The following GFOD1 variants were observed in gnomAD, a reference collection of about 807,000 sequenced individuals.
GFOD1 encodes the protein glucose-fructose oxidoreductase domain-containing protein 1.
A neutral mutation model predicts 25.4 loss-of-function variants in GFOD1; 9 were observed. That is an observed-to-expected ratio of 0.35 (90% CI 0.21 to 0.62). GFOD1 has a LOEUF of 0.62. GFOD1 is among the 20% of genes least tolerant of loss of function. The probability of loss-of-function intolerance (pLI) is 0.72; values close to 1 mark genes in which losing one functional copy is unlikely to be tolerated. For synonymous variants in GFOD1, 253 were observed against 245.6 expected, an observed-to-expected ratio of 1.03 and a Z score of -0.28; for missense variants, 403 against 556.9, an observed-to-expected ratio of 0.72 and a Z score of 2.78.
intron 1 of GFOD1, chr6:13,486,247 TC>T (rs373896526): frequency 0.21 from 24,196 of 117,182 alleles, 1,517 homozygotes; most frequent in South Asian, 0.34. Context: ...CACCCCCCCA[TC>T]CCCCCCCCCC....
chr6:13,417,419 C>G (rs185946474), intron 1 of GFOD1, among the ~76,000 whole-genome samples: 22 of 152,356 alleles, frequency 1.4e-4, no homozygotes, highest in Non-Finnish European at 2.2e-4. Flanking sequence ...TCCCAAAGTG[C>G]TGGGATTACA....
At chr6:13,477,847 C>A (rs1758661089) in intron 1 of GFOD1, among the ~76,000 whole-genome samples, 3 of 151,856 alleles carry the variant, frequency 2.0e-5, no homozygotes, top group Non-Finnish European at 4.4e-5. Flanking sequence ...GGGTGGATCA[C>A]CTGAGGCCAG....
At chr6:13,474,566 T>G (rs1357932926) in intron 1 of GFOD1, among the ~76,000 whole-genome samples, 1 of 152,208 alleles carries the variant, frequency 6.6e-6, no homozygotes, top group African/African-American at 2.4e-5. Context: ...CCAGTCACTC[T>G]GCACTTAGTC....
At chr6:13,439,419 T>C (rs919064996) in intron 1 of GFOD1, among the ~76,000 whole-genome samples, 13 of 152,200 alleles carry the variant, frequency 8.5e-5, no homozygotes, top group Non-Finnish European at 5.9e-5. Context: ...AATGCAAGAA[T>C]TGCATTCCCT....
At chr6:13,370,685 C>T (rs778019996) in intron 1 of GFOD1, among the ~76,000 whole-genome samples, 98 of 147,084 alleles carry the variant, frequency 6.7e-4, no homozygotes, top group Non-Finnish European at 1.0e-3. Context: ...TCTAGTCAGA[C>T]ACTGTGTGTG....
chr6:13,460,866 C>T (rs1400202698), intron 1 of GFOD1, among the ~76,000 whole-genome samples: 1 of 152,122 alleles, frequency 6.6e-6, no homozygotes, highest in Non-Finnish European at 1.5e-5. Context: ...AAAGGGTTTG[C>T]AGGAGTAAGT....
At chr6:13,451,711 G>A (rs753051657) in intron 1 of GFOD1, among the ~76,000 whole-genome samples, 24 of 152,230 alleles carry the variant, frequency 1.6e-4, no homozygotes, top group Non-Finnish European at 3.1e-4. Flanking sequence ...ATTGCAGAAG[G>A]TGGCAAGGAC....
intron 1 of GFOD1, among the ~76,000 whole-genome samples, chr6:13,398,955 A>G (rs975865049): frequency 3.3e-5 from 5 of 152,218 alleles, no homozygotes; most frequent in African/African-American, 1.2e-4. Context: ...TTACAGTAAC[A>G]CTGGGCATTT....
In GFOD1 at chr6:13,409,157, A is replaced by G. The variant is rs56160103; in HGVS notation, c.254-43495T>C. ...AGAAAGAAAGAAAGAAAGAGAGGAA[A>G]GAAAGAAAGGAAAGAGAGAGAGAGA... is the stretch of plus-strand genomic sequence containing the variant. On this transcript the variant is annotated intron_variant, in intron 1 of 1. Coordinates refer to ENST00000379287, the MANE Select transcript of GFOD1 (RefSeq NM_018988.4). Among the ~76,000 whole-genome samples the G allele has an allele frequency of 2.4e-4, 15 of 63,292 alleles. 1 individual carries two copies. The highest frequency in any genetic ancestry group is 1.3e-3 in the South Asian group (2 of 1,536). The allele number at this position is 63,292 out of a possible 152,430, so 41.5% of individuals were successfully genotyped here.
chr6:13,369,669 A>C (rs947107164), intron 1 of GFOD1, among the ~76,000 whole-genome samples: 7 of 152,200 alleles, frequency 4.6e-5, no homozygotes, highest in African/African-American at 1.7e-4. Context: ...CAAAACAAAA[A>C]ACAAAACAAC....
chr6:13,456,152 G>A (rs1246911922), intron 1 of GFOD1, among the ~76,000 whole-genome samples: 12 of 152,132 alleles, frequency 7.9e-5, no homozygotes, highest in African/African-American at 2.7e-4. Context: ...GACTCCTTTA[G>A]CTTTTTAAAG....
intron 1 of GFOD1, among the ~76,000 whole-genome samples, chr6:13,393,303 T>C (rs1158954458): frequency 7.8e-6 from 1 of 128,716 alleles, no homozygotes; most frequent in Non-Finnish European, 1.5e-5. Flanking sequence ...TTGCAGTGGG[T>C]GGAGATCATG....
At chr6:13,442,885 T>C (rs377129092) in intron 1 of GFOD1, among the ~76,000 whole-genome samples, 2 of 152,252 alleles carry the variant, frequency 1.3e-5, no homozygotes, top group East Asian at 3.8e-4. Flanking sequence ...AAGAGCAATT[T>C]TGACTTTCAA....
intron 1 of GFOD1, among the ~76,000 whole-genome samples, chr6:13,368,121 C>T (rs918330163): frequency 1.3e-5 from 2 of 152,206 alleles, no homozygotes; most frequent in African/African-American, 2.4e-5. Context: ...TTCTCATTTT[C>T]CCAGTGGAAG....
At position 13,359,751 on chromosome 6, in the gene GFOD1, A is replaced by G. The variant is rs1479461508; in HGVS notation, c.*4992T>C. The G allele has an allele frequency of 1.3e-5, 2 of 152,164 alleles. No homozygotes were observed. 9.4% of individuals were successfully genotyped at this position (152,164 alleles called of 1,614,324 possible). A position where few individuals can be genotyped will look rare whatever the true frequency, so the allele number is the denominator to read the frequency against. Reference sequence around the variant, plus strand: ...ATCACAAGGTCAGGAGTTCAAGACCAGCCTGACCAATATGGGGAAACCTTG... The same window carrying G: ...ATCACAAGGTCAGGAGTTCAAGACCGGCCTGACCAATATGGGGAAACCTTG... On this transcript the variant is annotated 3_prime_UTR_variant, in exon 2 of 2. Coordinates refer to ENST00000379287, the MANE Select transcript of GFOD1 (RefSeq NM_018988.4).
intron 1 of GFOD1, among the ~76,000 whole-genome samples, chr6:13,425,352 T>C (rs1401994495): frequency 6.6e-6 from 1 of 152,082 alleles, no homozygotes; most frequent in Non-Finnish European, 1.5e-5. Context: ...AAAGATTAAG[T>C]CACTTGTTCC....
chr6:13,417,143 T>C lies in GFOD1; in HGVS notation c.254-51481A>G, dbSNP rs181550523. On this transcript the variant is annotated intron_variant, in intron 1 of 1. Coordinates refer to ENST00000379287, the MANE Select transcript of GFOD1 (RefSeq NM_018988.4). ...GCACATGCTAAGTTATTCTGTACTC[T>C]AGAGAACTCTAGTACTCCATGTTCG... 1.4e-3 allele frequency among the ~76,000 whole-genome samples: 206 copies of C among 152,360 alleles called. 1 individual carries two copies. Among genetic ancestry groups the C allele is most frequent in the African/African-American group, 4.8e-3 (199 of 41,588 alleles).
chr6:13,395,313 A>C (rs1785705870), intron 1 of GFOD1, among the ~76,000 whole-genome samples: 1 of 152,270 alleles, frequency 6.6e-6, no homozygotes, highest in Admixed American at 6.5e-5. Context: ...CACATCCATC[A>C]GCATGACAGC....
chr6:13,398,341 C>T (rs1473449976), intron 1 of GFOD1, among the ~76,000 whole-genome samples: 2 of 152,194 alleles, frequency 1.3e-5, no homozygotes, highest in Non-Finnish European at 2.9e-5. Flanking sequence ...CAGGAAAATG[C>T]TGATACAAGA....
Sources: allele counts gnomAD v4.1 joint callset (sites outside exome capture counted in the v4.1 genomes callset), GRCh38; gene constraint gnomAD v4.1.1; transcripts MANE v1.5; gene names NCBI Gene and HGNC (gene_info 2026-07-23, HGNC 2026-07-21).